The following FREM1 variants were observed in gnomAD, a reference collection of about 807,000 sequenced individuals.
FREM1 encodes the protein FRAS1-related extracellular matrix protein 1.
A neutral mutation model predicts 210.1 loss-of-function variants in FREM1; 220 were observed. That is an observed-to-expected ratio of 1.05 (90% CI 0.94 to 1.17). The LOEUF is 1.17. Among genes scored for constraint, FREM1 ranks in the 50% most tolerant of loss-of-function variants. The probability of loss-of-function intolerance (pLI) is 0.00; values close to 1 mark genes in which losing one functional copy is unlikely to be tolerated. For synonymous variants in FREM1, 1,189 were observed against 980.2 expected (o/e 1.21, Z -3.98); for missense variants, 3,454 against 2,675.5 (o/e 1.29, Z -6.42).
intron 1 of FREM1, among the ~76,000 whole-genome samples, chr9:14,871,986 G>A (rs1033061833): frequency 1.3e-5 from 2 of 152,000 alleles, no homozygotes; most frequent in African/African-American, 2.4e-5. Flanking sequence ...GTAGACATGC[G>A]GCATTATTTC....
intron 1 of FREM1, among the ~76,000 whole-genome samples, chr9:14,885,698 A>G (rs1047985437): frequency 6.6e-6 from 1 of 150,402 alleles, no homozygotes; most frequent in African/African-American, 2.4e-5. Context: ...CTGGGATTAC[A>G]GGTGTGAGCC....
rs1372451456 is a variant in FREM1, at chr9:14,773,713, G to A, written c.4857+2076C>T. Among the ~76,000 whole-genome samples, 7 of 150,612 alleles carry A rather than the reference G, an allele frequency of 4.6e-5. No homozygotes were observed. The South Asian group carries it at 1.5e-3, about 31-fold the overall frequency. ...TCAGTAAATTCCACAACTTCCAATA[G>A]ATAACTCTCTTACAATAGCCATGCT... On this transcript the variant is annotated intron_variant, in intron 25 of 36. Coordinates refer to ENST00000380880, the MANE Select transcript of FREM1 (RefSeq NM_001379081.2).
intron 1 of FREM1, among the ~76,000 whole-genome samples, chr9:14,875,788 T>C (rs1279850674): frequency 6.6e-6 from 1 of 152,212 alleles, no homozygotes; most frequent in African/African-American, 2.4e-5. Flanking sequence ...GCTCTGTTTT[T>C]TCCCCATCTT....
intron 1 of FREM1, among the ~76,000 whole-genome samples, chr9:14,870,263 C>T (rs893000271): frequency 3.9e-5 from 6 of 152,204 alleles, no homozygotes; most frequent in African/African-American, 9.6e-5. Context: ...ATTCCCTTGT[C>T]ACTGTTTGCA....
At chr9:14,751,645 G>A (rs377435960) in intron 29 of FREM1, 1 of 152,388 alleles carries the variant, frequency 6.6e-6, no homozygotes, top group African/African-American at 2.4e-5. Flanking sequence ...GGGCAACAGA[G>A]TGAGACCTTG....
chr9:14,824,093 ATAAT>A lies in FREM1; in HGVS notation c.2097_2100del (p.Lys699AsnfsTer10), dbSNP rs769407804. The A allele has an allele frequency of 7.1e-5, 113 of 1,583,296 alleles. 1 individual carries two copies. The highest frequency in any genetic ancestry group is 9.5e-5 in the Non-Finnish European group (111 of 1,162,926). The stretch of plus-strand genomic sequence containing the variant: ...ACTTTTGGTATGCTGTCCACCATAA[ATAAT>A]TTCCCAGCATCCAAGTGTCTAAAGA... On this transcript the variant is annotated frameshift_variant, in exon 12 of 37. Coordinates refer to ENST00000380880, the MANE Select transcript of FREM1 (RefSeq NM_001379081.2). LOFTEE classifies it high-confidence loss of function.
intron 1 of FREM1, among the ~76,000 whole-genome samples, chr9:14,869,887 A>C (rs1832270685): frequency 6.6e-6 from 1 of 152,250 alleles, no homozygotes; most frequent in Non-Finnish European, 1.5e-5. Context: ...CAGCACGCAC[A>C]GCTAATGACA....
At chr9:14,823,057 G>T in intron 13 of FREM1, 103 bp downstream of exon 13, 2 of 835,794 alleles carry the variant, frequency 2.4e-6, no homozygotes, top group Non-Finnish European at 1.7e-6. Context: ...TCTTTTATAA[G>T]TTTAAAAAAC....
chr9:14,845,179 A>G (rs761982542), intron 8 of FREM1, among the ~76,000 whole-genome samples: 4 of 152,232 alleles, frequency 2.6e-5, no homozygotes, highest in Non-Finnish European at 1.5e-5. Flanking sequence ...TACTTTTATT[A>G]GATTATTACC....
Position 14,748,564 on chromosome 9 carries a change from GGCA to G in FREM1, c.5630_5632del (p.Leu1877del), listed in dbSNP as rs1226255280. On this transcript the variant is annotated inframe_deletion, in exon 31 of 37. Coordinates refer to ENST00000380880, the MANE Select transcript of FREM1 (RefSeq NM_001379081.2). The stretch of plus-strand genomic sequence containing the variant: ...AGTGGTGGATGAGGAAGACCCTGGG[GGCA>G]GCAGATGCCAAATGCCCTTCTCCCA... 6.2e-7 allele frequency: 1 copy of G among 1,613,810 alleles called. No individual in the cohort carries two copies. The highest frequency in any genetic ancestry group is 8.5e-7 in the Non-Finnish European group (1 of 1,179,844).
At chr9:14,901,406 A>T (rs1295044992) in intron 1 of FREM1, among the ~76,000 whole-genome samples, 2 of 152,162 alleles carry the variant, frequency 1.3e-5, no homozygotes, top group Non-Finnish European at 2.9e-5. Context: ...CCCTTATCCC[A>T]TACTCCTTAT....
intron 27 of FREM1, among the ~76,000 whole-genome samples, chr9:14,762,139 T>A (rs1450961694): frequency 2.0e-5 from 3 of 151,466 alleles, no homozygotes; most frequent in African/African-American, 7.3e-5. Flanking sequence ...ATATCATAAA[T>A]GCCAATAGAA....
At chr9:14,860,884 C>CGT (rs775970321) in intron 3 of FREM1, among the ~76,000 whole-genome samples, 5 of 57,272 alleles carry the variant, frequency 8.7e-5, no homozygotes, top group African/African-American at 2.4e-4. Flanking sequence ...CGTATATATA[C>CGT]ACATATATAC....
intron 13 of FREM1, among the ~76,000 whole-genome samples, chr9:14,822,010 C>G (rs1821443483): frequency 1.3e-5 from 2 of 152,152 alleles, no homozygotes; most frequent in Non-Finnish European, 2.9e-5. Context: ...ATAACTGAAT[C>G]ATAGGGGCAG....
rs779338562 is a variant in FREM1 at position 14,784,427 on chromosome 9, C to T, written c.4385G>A (p.Gly1462Glu). The T allele has an allele frequency of 6.2e-7, 1 of 1,613,840 alleles. No homozygotes were observed. The highest frequency in any genetic ancestry group is 1.1e-5 in the South Asian group (1 of 91,068). ...CTTGTGTACATAGCAAACTGTCTGC[C>T]CCACTACATCCATTTGGCTGAAGTT... The part of the protein sequence containing the change: ...ITNFSQMDVV[G>E]QTVCYVHKSK... The change falls in exon 24 of 37, where the codon GGG (glycine) becomes GAG (glutamate). Residue 1462 changes from glycine (G) to glutamate (E), a missense_variant. Coordinates refer to ENST00000380880, the MANE Select transcript of FREM1 (RefSeq NM_001379081.2).
chr9:14,882,016 T>C (rs2132158572), intron 1 of FREM1, among the ~76,000 whole-genome samples: 1 of 152,296 alleles, frequency 6.6e-6, no homozygotes, highest in Non-Finnish European at 1.5e-5. Context: ...CTCTGGGCCA[T>C]TTGCAAAGCA....
chr9:14,781,160 T>A (rs1214851477), intron 24 of FREM1, among the ~76,000 whole-genome samples: 1 of 152,204 alleles, frequency 6.6e-6, no homozygotes, highest in Non-Finnish European at 1.5e-5. Context: ...TTCCTTTGCC[T>A]CTTGGAACCT....
chr9:14,842,465 A>G lies in FREM1; in HGVS notation c.1589T>C (p.Ile530Thr), dbSNP rs933286924. The change falls in exon 9 of 37, where the codon ATT (isoleucine) becomes ACT (threonine). Residue 530 changes from isoleucine (I) to threonine (T), a missense_variant. Ile to Thr is a moderately conservative substitution (Grantham distance 89, BLOSUM62 -1). Coordinates refer to ENST00000380880, the MANE Select transcript of FREM1 (RefSeq NM_001379081.2). ...GATGGTCTGCCCCTCCTCCAGTTCA[A>G]TCACAACATTGGTTATGAGGAACGG... ...SPPFLITNVV[I>T]ELEEGQTILI... The G allele has an allele frequency of 6.8e-6, 11 of 1,613,866 alleles. No individual in the cohort carries two copies. Among genetic ancestry groups the G allele is most frequent in the Admixed American group, 5.0e-5 (3 of 59,996 alleles).
intron 10 of FREM1, among the ~76,000 whole-genome samples, chr9:14,827,199 G>A (rs1324331939): frequency 6.6e-6 from 1 of 152,108 alleles, no homozygotes; most frequent in Non-Finnish European, 1.5e-5. Context: ...TCTTCTTAGA[G>A]ATTACCTAAG....
Sources: allele counts gnomAD v4.1 joint callset (sites outside exome capture counted in the v4.1 genomes callset), GRCh38; gene constraint gnomAD v4.1.1; transcripts MANE v1.5; gene names NCBI Gene and HGNC (gene_info 2026-07-23, HGNC 2026-07-21).